TRDN: variants seen among roughly 807,000 people sequenced by gnomAD.
TRDN encodes the protein triadin in skeletal muscle.
A neutral mutation model predicts 149.7 loss-of-function variants in TRDN; 161 were observed. The observed-to-expected ratio is 1.08, with a 90% CI of 0.95 to 1.23. The LOEUF (loss-of-function observed/expected upper bound fraction) is 1.23, where lower values mean the gene tolerates loss of function less well. Among genes scored for constraint, TRDN ranks in the 50% most tolerant of loss-of-function variants. TRDN has a pLI of 0.00. For synonymous variants in TRDN, 294 were observed against 250.5 expected, an observed-to-expected ratio of 1.17 and a Z score of -1.64; for missense variants, 896 against 823.5, an observed-to-expected ratio of 1.09 and a Z score of -1.08.
At chr6:123,625,474 TG>T (rs1217991204) in intron 1 of TRDN, among the ~76,000 whole-genome samples, 1 of 152,164 alleles carries the variant, frequency 6.6e-6, no homozygotes, top group African/African-American at 2.4e-5. Flanking sequence ...AATACTTTGT[TG>T]GTGGGGATGG....
chr6:123,555,086 T>A (rs1781579405), intron 2 of TRDN, among the ~76,000 whole-genome samples: 1 of 152,172 alleles, frequency 6.6e-6, no homozygotes, highest in Non-Finnish European at 1.5e-5. Flanking sequence ...CAAAAATATG[T>A]GCTTATACAT....
chr6:123,550,544 T>G (rs1281421488), intron 2 of TRDN, among the ~76,000 whole-genome samples: 1 of 152,004 alleles, frequency 6.6e-6, no homozygotes, highest in African/African-American at 2.4e-5. Context: ...GAGTATATTT[T>G]TATGCATATG....
At chr6:123,393,584 T>TA (rs560930569) in intron 13 of TRDN, 40 bp downstream of exon 13, 10 of 1,562,194 alleles carry the variant, frequency 6.4e-6, no homozygotes, top group East Asian at 2.3e-5. Context: ...TATAGATGTT[T>TA]AAAAAAAGGC....
chr6:123,452,664 T>C (rs1478653095), intron 10 of TRDN, among the ~76,000 whole-genome samples: 1 of 152,072 alleles, frequency 6.6e-6, no homozygotes, highest in Non-Finnish European at 1.5e-5. Flanking sequence ...CTTGGGAAAA[T>C]GACCATACTG....
intron 32 of TRDN, among the ~76,000 whole-genome samples, chr6:123,266,687 A>ATAATATGT (rs1777009781): frequency 9.7e-6 from 1 of 103,334 alleles, no homozygotes; most frequent in Non-Finnish European, 1.8e-5. Flanking sequence ...ATATATATGT[A>ATAATATGT]ATATATTATA....
intron 12 of TRDN, among the ~76,000 whole-genome samples, chr6:123,410,445 G>A (rs540965987): frequency 5.9e-5 from 9 of 152,134 alleles, no homozygotes; most frequent in East Asian, 1.9e-4. Context: ...AGTGATCAAC[G>A]AAGAAACAAA....
intron 8 of TRDN, chr6:123,503,508 C>T (rs1333205734): frequency 1.4e-6 from 2 of 1,380,218 alleles, no homozygotes; most frequent in Non-Finnish European, 1.9e-6. Flanking sequence ...TTCAAAATGC[C>T]CCTTTAGATC....
intron 7 of TRDN, among the ~76,000 whole-genome samples, chr6:123,511,909 G>C (rs1779198823): frequency 6.6e-6 from 1 of 151,848 alleles, no homozygotes; most frequent in South Asian, 2.1e-4. Flanking sequence ...TACATTTAAA[G>C]ACTCATGATA....
At chr6:123,225,241 G>T (rs1775311872) in intron 38 of TRDN, among the ~76,000 whole-genome samples, 1 of 151,694 alleles carries the variant, frequency 6.6e-6, no homozygotes, top group African/African-American at 2.4e-5. Flanking sequence ...ATGTGCTGGT[G>T]AGGATTTAAG....
intron 2 of TRDN, among the ~76,000 whole-genome samples, chr6:123,554,926 G>T (rs745654117): frequency 6.6e-6 from 1 of 152,078 alleles, no homozygotes; most frequent in Admixed American, 6.6e-5. Flanking sequence ...ATTTCTTAAG[G>T]TTATAGGGTA....
intron 21 of TRDN, among the ~76,000 whole-genome samples, chr6:123,346,487 C>T (rs1780250893): frequency 6.6e-6 from 1 of 151,634 alleles, no homozygotes; most frequent in South Asian, 2.1e-4. Flanking sequence ...TGGATATGTA[C>T]ACAGAAAGAA....
intron 1 of TRDN, among the ~76,000 whole-genome samples, chr6:123,572,131 T>G (rs2114542764): frequency 6.6e-6 from 1 of 152,248 alleles, no homozygotes; most frequent in South Asian, 2.1e-4. Flanking sequence ...TGTTTAAAAT[T>G]TTTGCAATAA....
intron 1 of TRDN, among the ~76,000 whole-genome samples, chr6:123,626,681 G>T (rs997949392): frequency 6.6e-6 from 1 of 151,866 alleles, no homozygotes; most frequent in Non-Finnish European, 1.5e-5. Context: ...TTGACCTCCT[G>T]CCATGAATCA....
At chr6:123,236,865 T>A (rs2114534376) in intron 38 of TRDN, among the ~76,000 whole-genome samples, 1 of 149,574 alleles carries the variant, frequency 6.7e-6, no homozygotes, top group African/African-American at 2.6e-5. Flanking sequence ...TAAAATTAGG[T>A]AATATGATTA....
intron 12 of TRDN, among the ~76,000 whole-genome samples, chr6:123,397,509 T>C (rs1259677190): frequency 6.6e-6 from 1 of 152,116 alleles, no homozygotes; most frequent in Non-Finnish European, 1.5e-5. Context: ...AAATTGTCTC[T>C]ATGAAACAGT....
chr6:123,279,772 T>C (rs534837328), intron 24 of TRDN, among the ~76,000 whole-genome samples: 1 of 152,220 alleles, frequency 6.6e-6, no homozygotes, highest in South Asian at 2.1e-4. Context: ...TCTTTTTAAG[T>C]TCCTGTTCAC....
At chr6:123,432,657 A>G (rs1774380839) in intron 12 of TRDN, among the ~76,000 whole-genome samples, 2 of 151,896 alleles carry the variant, frequency 1.3e-5, no homozygotes. Flanking sequence ...CGCAAAATCT[A>G]CACTTTAGTC....
intron 20 of TRDN, among the ~76,000 whole-genome samples, chr6:123,359,865 T>A (rs1452824174): frequency 3.3e-5 from 5 of 151,932 alleles, no homozygotes; most frequent in Non-Finnish European, 5.9e-5. Flanking sequence ...CTGGCTAATT[T>A]TTCGTATTTT....
At chr6:123,251,973 A>G (rs1188916199) in intron 38 of TRDN, among the ~76,000 whole-genome samples, 2 of 152,058 alleles carry the variant, frequency 1.3e-5, no homozygotes, top group African/African-American at 4.8e-5. Context: ...CAATTAAATT[A>G]CAATTTAGGT....
Sources: allele counts gnomAD v4.1 joint callset (sites outside exome capture counted in the v4.1 genomes callset), GRCh38; gene constraint gnomAD v4.1.1; transcripts MANE v1.5; gene names NCBI Gene and HGNC (gene_info 2026-07-23, HGNC 2026-07-21).